The following ATM variants were observed in gnomAD, a reference collection of about 807,000 sequenced individuals.
The protein encoded by ATM is serine-protein kinase ATM.
ATM carries 308 observed loss-of-function variants against 387.0 expected under a neutral mutation model. The observed-to-expected ratio is 0.80, with a 90% CI of 0.73 to 0.87. The LOEUF (loss-of-function observed/expected upper bound fraction) is 0.87. Ranked by LOEUF, ATM falls within the 40% of genes least tolerant of loss-of-function variation. ATM has a pLI of 0.00. For synonymous variants in ATM, 1,156 were observed against 1,187.3 expected (o/e 0.97, Z 0.54); for missense variants, 3,312 against 3,560.9 (o/e 0.93, Z 1.78).
At chr11:108,309,107 T>G in intron 38 of ATM, 2 of 1,186,622 alleles carry the variant, frequency 1.7e-6, no homozygotes, top group Non-Finnish European at 2.4e-6. Context: ...GAAAAACGGG[T>G]AAAGACATGC....
At position 108,292,650 on chromosome 11, in the gene ATM, A is replaced by G. The variant is rs876658711; in HGVS notation, c.4468A>G (p.Ser1490Gly). ...PSCIMDVSLR[S>G]FSLCCDLLSQ... Reference sequence around the variant, plus strand: ...TTGTATCATGGATGTGTCATTACGTAGCTTCTCCCTTTGTTGTGACTTATT... The same window carrying G: ...TTGTATCATGGATGTGTCATTACGTGGCTTCTCCCTTTGTTGTGACTTATT... Residue 1490 changes from serine to glycine, a missense_variant, in exon 30 of 63, where the codon AGC becomes GGC. Coordinates refer to ENST00000675843, the MANE Select transcript of ATM (RefSeq NM_000051.4). The G allele has an allele frequency of 4.3e-6, 7 of 1,613,434 alleles. No individual in the cohort carries two copies. The highest frequency in any genetic ancestry group is 5.9e-6 in the Non-Finnish European group (7 of 1,179,922).
rs2135974720 is a variant in ATM, at chr11:108,307,870, C to A, written c.5675-27C>A. 5 of 1,573,770 alleles carry A rather than the reference C, an allele frequency of 3.2e-6. No homozygotes were observed. The highest frequency in any genetic ancestry group is 4.4e-6 in the Non-Finnish European group (5 of 1,144,414). Reference sequence around the variant, plus strand: ...GGTGTGTAAGCAAGAATGCCTGGGACTGAGGGGAGATATTTTTGTTTGTCA... The same window carrying A: ...GGTGTGTAAGCAAGAATGCCTGGGAATGAGGGGAGATATTTTTGTTTGTCA... On this transcript the variant is annotated intron_variant, in intron 37 of 62. Coordinates refer to ENST00000675843, the MANE Select transcript of ATM (RefSeq NM_000051.4).
At chr11:108,309,062 A>T (rs1164695001) in intron 38 of ATM, 1 of 1,500,080 alleles carries the variant, frequency 6.7e-7, no homozygotes, top group African/African-American at 1.4e-5. Flanking sequence ...TAAGATCCTG[A>T]AGAATATTCC....
At position 108,328,933 on chromosome 11, in the gene ATM, AT is replaced by A. The variant is rs2085963786; in HGVS notation, c.7090-84del. On this transcript the variant is annotated intron_variant, in intron 48 of 62. Coordinates refer to ENST00000675843, the MANE Select transcript of ATM (RefSeq NM_000051.4). ...TAGCTTTTATATGTATATAAGTTAAATTTTAGTGTATTACCTTAATTTGAGT... is the reference window on the plus strand; with the variant it reads ...TAGCTTTTATATGTATATAAGTTAAATTTAGTGTATTACCTTAATTTGAGT... 4 of 1,345,610 alleles carry A rather than the reference AT, an allele frequency of 3.0e-6. No homozygotes were observed. The African/African-American group carries it at 5.9e-5, about 20-fold the overall frequency. 83.4% of individuals were successfully genotyped at this position (1,345,610 alleles called of 1,614,324 possible).
chr11:108,289,496 A>G (rs1465114349), intron 28 of ATM, 106 bp from the exon 29 acceptor site: 6 of 844,044 alleles, frequency 7.1e-6, no homozygotes, highest in African/African-American at 6.9e-5. Flanking sequence ...TATTTTAAAT[A>G]TAAAATGTGT....
intron 37 of ATM, among the ~76,000 whole-genome samples, chr11:108,306,054 G>A (rs1166719203): frequency 6.6e-6 from 1 of 152,084 alleles, no homozygotes; most frequent in Non-Finnish European, 1.5e-5. Flanking sequence ...TGATTACTCA[G>A]TTCTTCCAAT....
At chr11:108,261,792 G>A (rs2080906642) in intron 16 of ATM, among the ~76,000 whole-genome samples, 1 of 152,162 alleles carries the variant, frequency 6.6e-6, no homozygotes, top group African/African-American at 2.4e-5. Flanking sequence ...GCTTAAAGGA[G>A]CCGATGGAGC....
At chr11:108,259,113 C>G (rs2080704780) in intron 16 of ATM, 38 bp downstream of exon 16, 1 of 1,504,298 alleles carries the variant, frequency 6.6e-7, no homozygotes, top group African/African-American at 1.4e-5. Context: ...TATTTTGATT[C>G]TAATAGGCAT....
rs2136317245 is a variant in ATM, at chr11:108,325,504, T to C, written c.6767T>C (p.Val2256Ala). ...CIKDILTKHL[V>A]ELSILARTFK... The stretch of plus-strand genomic sequence containing the variant: ...AAGGACATTCTCACCAAACACCTTG[T>C]AGAACTCTCTATACTGGCCAGAACT... The change falls in exon 46 of 63, where the codon GTA becomes GCA. Residue 2256 changes from valine (V) to alanine (A), a missense_variant. Coordinates refer to ENST00000675843, the MANE Select transcript of ATM (RefSeq NM_000051.4). The C allele has an allele frequency of 1.2e-6, 2 of 1,612,930 alleles. No homozygotes were observed. The highest frequency in any genetic ancestry group is 3.3e-4 in the Middle Eastern group (2 of 6,060).
chr11:108,321,198 T>C (rs2085179954), intron 44 of ATM, 103 bp from the exon 45 acceptor site: 2 of 1,458,048 alleles, frequency 1.4e-6, no homozygotes, highest in African/African-American at 1.4e-5. Flanking sequence ...ATTAGATCAG[T>C]AGCAAAGCCT....
chr11:108,330,112 A>G (rs2086096154), intron 49 of ATM, 102 bp from the exon 50 acceptor site: 3 of 1,378,904 alleles, frequency 2.2e-6, no homozygotes, highest in Admixed American at 2.0e-5. Context: ...TCCCTGGGAT[A>G]AAAACCCAAC....
chr11:108,270,677 G>A (rs1294037622), intron 18 of ATM, among the ~76,000 whole-genome samples: 2 of 151,958 alleles, frequency 1.3e-5, no homozygotes, highest in Non-Finnish European at 2.9e-5. Flanking sequence ...GTGCATGTAT[G>A]AATTTATGTT....
intron 53 of ATM, 122 bp from the exon 54 acceptor site, chr11:108,333,764 A>G (rs371549412): frequency 6.0e-6 from 5 of 831,748 alleles, no homozygotes; most frequent in Admixed American, 5.4e-5. Flanking sequence ...TCATTTCTCA[A>G]TCAGAGCCTG....
chr11:108,267,868 A>G (rs1343173147), intron 17 of ATM, among the ~76,000 whole-genome samples: 1 of 152,262 alleles, frequency 6.6e-6, no homozygotes, highest in African/African-American at 2.4e-5. Flanking sequence ...AAAAAAAGAA[A>G]TAAAATCATA....
chr11:108,290,638 C>CAAAAAAA (rs10603787), intron 29 of ATM: 3 of 68,650 alleles, frequency 4.4e-5, no homozygotes, highest in African/African-American at 6.5e-5. Context: ...ACTCTTGTCT[C>CAAAAAAA]AAAAAAAAAA....
intron 9 of ATM, 112 bp from the exon 10 acceptor site, chr11:108,250,589 T>A (rs1591522088): frequency 1.7e-6 from 2 of 1,180,728 alleles, no homozygotes; most frequent in East Asian, 4.7e-5. Context: ...ACTATGGAAA[T>A]GATGGTGATT....
At chr11:108,285,259 C>G (rs1351983620) in intron 26 of ATM, among the ~76,000 whole-genome samples, 1 of 151,962 alleles carries the variant, frequency 6.6e-6, no homozygotes, top group African/African-American at 2.4e-5. Context: ...CTTGCCAGAC[C>G]ATAATTTACT....
At chr11:108,360,602 T>G (rs190072882) in intron 61 of ATM, among the ~76,000 whole-genome samples, 1 of 149,386 alleles carries the variant, frequency 6.7e-6, no homozygotes, top group Admixed American at 6.7e-5. Flanking sequence ...TCCACCATGA[T>G]CCAGTGGGCT....
At chr11:108,301,853 G>A (rs2135917735) in intron 35 of ATM, 64 bp downstream of exon 35, 2 of 1,550,412 alleles carry the variant, frequency 1.3e-6, no homozygotes, top group Non-Finnish European at 8.9e-7. Context: ...GTTTGCTGTG[G>A]GTCATGACTG....
Sources: allele counts gnomAD v4.1 joint callset (sites outside exome capture counted in the v4.1 genomes callset), GRCh38; gene constraint gnomAD v4.1.1; transcripts MANE v1.5; gene names NCBI Gene and HGNC (gene_info 2026-07-23, HGNC 2026-07-21).